Variants in MBNL2 observed in about 807,000 individuals in gnomAD.
The protein encoded by MBNL2 is muscleblind like splicing regulator 2.
A neutral mutation model predicts 41.9 loss-of-function variants in MBNL2; 17 were observed. The ratio of observed to expected loss-of-function variants is 0.41; its 90% CI spans 0.28 to 0.61. The LOEUF is 0.61. Among genes scored for constraint, MBNL2 ranks in the 20% least tolerant of loss-of-function variants. MBNL2 has a pLI of 0.35. For synonymous variants in MBNL2, 195 were observed against 182.9 expected (o/e 1.07, Z -0.53); for missense variants, 336 against 505.6 (o/e 0.66, Z 3.22).
At chr13:97,257,109 CCT>C (rs2047689605) in intron 1 of MBNL2, among the ~76,000 whole-genome samples, 1 of 151,840 alleles carries the variant, frequency 6.6e-6, no homozygotes, top group East Asian at 1.9e-4. Flanking sequence ...AATAGGTAAC[CCT>C]GTGATAATCT....
chr13:97,166,069 G>T, the MBNL2 span, among the ~76,000 whole-genome samples: 2 of 152,314 alleles, frequency 1.3e-5, no homozygotes, highest in East Asian at 1.9e-4. Flanking sequence ...AGTAACAGTT[G>T]CACTGTTTGT....
chr13:97,278,251 CAAAAAA>C (rs10606011), intron 2 of MBNL2, among the ~76,000 whole-genome samples: 1 of 40,514 alleles, frequency 2.5e-5, no homozygotes, highest in African/African-American at 1.1e-4. Flanking sequence ...GAGACTGTCT[CAAAAAA>C]AAAAAAAAAA....
At chr13:97,256,538 C>T (rs1382357823) in intron 1 of MBNL2, among the ~76,000 whole-genome samples, 1 of 152,144 alleles carries the variant, frequency 6.6e-6, no homozygotes, top group Non-Finnish European at 1.5e-5. Context: ...ACAGGAATAT[C>T]TCCGCCAAAT....
At position 97,365,272 on chromosome 13, in the gene MBNL2, A is replaced by G. The variant is rs546817335; in HGVS notation, c.1048+101A>G. On this transcript the variant is annotated intron_variant, in intron 8 of 8. Coordinates refer to ENST00000679496, the MANE Select transcript of MBNL2 (RefSeq NM_001382683.1). Reference sequence around the variant, plus strand: ...TGGTAGAAATGCTATAGGAAATAGTAGATTTGAAGGCTTATTTGGCTTTAG... The same window carrying G: ...TGGTAGAAATGCTATAGGAAATAGTGGATTTGAAGGCTTATTTGGCTTTAG... The G allele has an allele frequency of 9.8e-5, 82 of 834,474 alleles. No individual in the cohort carries two copies. In the African/African-American group the frequency reaches 1.2e-3, roughly 12 times the overall value. The allele number at this position is 834,474 out of a possible 1,614,324, so 51.7% of individuals were successfully genotyped here.
intron 1 of MBNL2, among the ~76,000 whole-genome samples, chr13:97,242,681 T>C (rs947476773): frequency 6.6e-6 from 1 of 151,870 alleles, no homozygotes; most frequent in South Asian, 2.1e-4. Context: ...GAGGACTTCC[T>C]GGGTCCCGGG....
chr13:97,189,492 G>A, the MBNL2 span, among the ~76,000 whole-genome samples: 1 of 152,148 alleles, frequency 6.6e-6, no homozygotes, highest in East Asian at 1.9e-4. Flanking sequence ...ATTTGTGTAC[G>A]GGAGGAAATA....
the MBNL2 span, among the ~76,000 whole-genome samples, chr13:97,183,054 T>G: frequency 2.6e-5 from 4 of 152,214 alleles, no homozygotes; most frequent in Non-Finnish European, 5.9e-5. Context: ...TGCTATATAG[T>G]TAAGTCAAAC....
chr13:97,241,192 C>T (rs1447034521), intron 1 of MBNL2, among the ~76,000 whole-genome samples: 3 of 152,144 alleles, frequency 2.0e-5, no homozygotes, highest in Admixed American at 1.3e-4. Flanking sequence ...GACCCAGTTG[C>T]CTGTGTTGGA....
At chr13:97,149,609 A>G in the MBNL2 span, among the ~76,000 whole-genome samples, 1,623 of 152,266 alleles carry the variant, frequency 0.011, 12 homozygotes, top group Non-Finnish European at 0.017. Context: ...CAGCTTAAAC[A>G]GGTAGTTCTT....
intron 7 of MBNL2, among the ~76,000 whole-genome samples, chr13:97,364,221 G>T (rs1164113490): frequency 6.6e-6 from 1 of 152,100 alleles, no homozygotes; most frequent in African/African-American, 2.4e-5. Context: ...GGTTGAAATT[G>T]CCCCTCCCAC....
chr13:97,374,948 T>TTTTC (rs1260469300), intron 8 of MBNL2, among the ~76,000 whole-genome samples: 1 of 151,782 alleles, frequency 6.6e-6, no homozygotes, highest in Non-Finnish European at 1.5e-5. Context: ...ACGGGCAGGG[T>TTTTC]TTTCTTCTCT....
intron 7 of MBNL2, among the ~76,000 whole-genome samples, chr13:97,358,196 C>T (rs1004001004): frequency 6.6e-6 from 1 of 152,140 alleles, no homozygotes; most frequent in Admixed American, 6.5e-5. Context: ...CTATTACGTA[C>T]GATGTGCATT....
chr13:97,166,923 G>C, the MBNL2 span, among the ~76,000 whole-genome samples: 1 of 151,832 alleles, frequency 6.6e-6, no homozygotes, highest in Non-Finnish European at 1.5e-5. Flanking sequence ...TCCAATTCTG[G>C]GTAATTCTGA....
chr13:97,252,240 AAATTGTTTT>A (rs1251662528), intron 1 of MBNL2, among the ~76,000 whole-genome samples: 1 of 152,332 alleles, frequency 6.6e-6, no homozygotes, highest in Admixed American at 6.5e-5. Flanking sequence ...CCATAATAAC[AAATTGTTTT>A]AATTGTTTTA....
In MBNL2 at chr13:97,310,372, A is replaced by G. The variant is rs183092977; in HGVS notation, c.175-23904A>G. Among the ~76,000 whole-genome samples, 6 of 152,130 alleles carry G rather than the reference A, an allele frequency of 3.9e-5. No homozygotes were observed. The East Asian group carries it at 1.2e-3, about 29-fold the overall frequency. Reference sequence around the variant, plus strand: ...TTAGATATAATAAATACATGTTTGTATATATGTCTGTGTGTATGTGAGTGA... The same window carrying G: ...TTAGATATAATAAATACATGTTTGTGTATATGTCTGTGTGTATGTGAGTGA... On this transcript the variant is annotated intron_variant, in intron 2 of 8. Transcript: ENST00000679496.
At chr13:97,228,583 C>T (rs1356492777) in intron 1 of MBNL2, among the ~76,000 whole-genome samples, 9 of 138,572 alleles carry the variant, frequency 6.5e-5, no homozygotes, top group African/African-American at 1.9e-4. Context: ...AGCTGGAGTG[C>T]GGTGGCACTA....
At chr13:97,184,486 T>C in the MBNL2 span, among the ~76,000 whole-genome samples, 4 of 152,036 alleles carry the variant, frequency 2.6e-5, no homozygotes, top group South Asian at 4.1e-4. Flanking sequence ...TGTTCCCCCC[T>C]CACCCCTGGA....
At chr13:97,290,545 G>A (rs1055482983) in intron 2 of MBNL2, among the ~76,000 whole-genome samples, 1 of 151,924 alleles carries the variant, frequency 6.6e-6, no homozygotes, top group Non-Finnish European at 1.5e-5. Flanking sequence ...GCGCGGTGGC[G>A]GGCGCCTGTA....
At chr13:97,330,937 A>G (rs1297150262) in intron 2 of MBNL2, among the ~76,000 whole-genome samples, 1 of 152,202 alleles carries the variant, frequency 6.6e-6, no homozygotes, top group Non-Finnish European at 1.5e-5. Context: ...ACTAGATTGT[A>G]CTAGGGTTCA....
Sources: gnomAD v4.1 joint callset for allele counts (sites outside exome capture counted in the v4.1 genomes callset) on GRCh38, gnomAD v4.1.1 for gene constraint, MANE v1.5 for transcripts, NCBI Gene and HGNC (gene_info 2026-07-23, HGNC 2026-07-21) for gene names.